DLG2: variants seen among roughly 807,000 people sequenced by gnomAD.
The protein encoded by DLG2 is discs large MAGUK scaffold protein 2.
In DLG2, 45 loss-of-function variants were observed where a neutral mutation model predicts 132.5. The observed-to-expected ratio is 0.34, with a 90% CI of 0.27 to 0.44. The LOEUF (loss-of-function observed/expected upper bound fraction) is 0.44, where lower values mean the gene tolerates loss of function less well. DLG2 is among the 20% of genes least tolerant of loss of function. DLG2 has a pLI of 1.00. For synonymous variants in DLG2, 424 were observed against 419.6 expected, an observed-to-expected ratio of 1.01 and a Z score of -0.13; for missense variants, 1,045 against 1,196.9, an observed-to-expected ratio of 0.87 and a Z score of 1.87.
At chr11:85,439,038 T>C (rs535235793) in intron 3 of DLG2, among the ~76,000 whole-genome samples, 1 of 152,348 alleles carries the variant, frequency 6.6e-6, no homozygotes, top group East Asian at 1.9e-4. Flanking sequence ...TTTTTGTTGC[T>C]GAGTAGTATT....
chr11:85,148,363 C>T lies in DLG2; in HGVS notation c.282+6193G>A, dbSNP rs569776623. Among the ~76,000 whole-genome samples the T allele has an allele frequency of 2.6e-5, 4 of 152,280 alleles. No homozygotes were observed. In the East Asian group the frequency reaches 7.7e-4, roughly 29 times the overall value. ...CACAACAGTTGAACTAATTTACATT[C>T]CCACCAAGAGTGTGAAAGCATTCCT... On this transcript the variant is annotated intron_variant, in intron 5 of 27. Transcript: ENST00000376104.
At chr11:83,506,463 ACCTCCCTC>A (rs2094705770) in intron 21 of DLG2, among the ~76,000 whole-genome samples, 1 of 151,224 alleles carries the variant, frequency 6.6e-6, no homozygotes, top group Non-Finnish European at 1.5e-5. Flanking sequence ...CACACTCTCA[ACCTCCCTC>A]TAGGCACCAG....
At chr11:84,409,903 A>T (rs2098889799) in intron 7 of DLG2, among the ~76,000 whole-genome samples, 1 of 152,238 alleles carries the variant, frequency 6.6e-6, no homozygotes, top group Admixed American at 6.5e-5. Flanking sequence ...CCATACAAGC[A>T]GCTTCTAATC....
At chr11:83,797,208 G>A (rs2043039701) in intron 17 of DLG2, among the ~76,000 whole-genome samples, 1 of 150,300 alleles carries the variant, frequency 6.7e-6, no homozygotes, top group African/African-American at 2.5e-5. Context: ...TGAGAAAGAA[G>A]TGATGAAGGA....
intron 6 of DLG2, among the ~76,000 whole-genome samples, chr11:84,616,974 C>T (rs973264300): frequency 6.7e-6 from 1 of 149,830 alleles, no homozygotes; most frequent in African/African-American, 2.5e-5. Context: ...TTCCTCCTCT[C>T]TTCCCTTTCT....
At chr11:85,410,687 G>A (rs1233609226) in intron 3 of DLG2, among the ~76,000 whole-genome samples, 1 of 151,754 alleles carries the variant, frequency 6.6e-6, no homozygotes, top group African/African-American at 2.4e-5. Context: ...CTGAAAATGT[G>A]CATATTTAAG....
intron 6 of DLG2, among the ~76,000 whole-genome samples, chr11:84,934,545 T>G (rs2048508573): frequency 7.6e-6 from 1 of 131,010 alleles, no homozygotes; most frequent in Non-Finnish European, 1.6e-5. Flanking sequence ...TTTTTTTTTT[T>G]TGGTGGGTAG....
At chr11:84,944,510 G>A (rs1372827756) in intron 6 of DLG2, among the ~76,000 whole-genome samples, 1 of 151,122 alleles carries the variant, frequency 6.6e-6, no homozygotes, top group Non-Finnish European at 1.5e-5. Context: ...CAGTTCCGCT[G>A]TTGAGAGACT....
intron 3 of DLG2, among the ~76,000 whole-genome samples, chr11:85,589,346 G>A (rs2079166123): frequency 6.6e-6 from 1 of 152,160 alleles, no homozygotes; most frequent in Non-Finnish European, 1.5e-5. Flanking sequence ...AGCTGTGATA[G>A]AAGAGGGGGG....
intron 18 of DLG2, among the ~76,000 whole-genome samples, chr11:83,743,901 A>G (rs919589688): frequency 4.6e-5 from 7 of 152,208 alleles, no homozygotes; most frequent in Non-Finnish European, 8.8e-5. Context: ...CGTACTGGGT[A>G]TGTCAATGGG....
chr11:85,397,244 C>CTT, intron 3 of DLG2, among the ~76,000 whole-genome samples: 1 of 152,206 alleles, frequency 6.6e-6, no homozygotes, highest in South Asian at 2.1e-4. Context: ...ATTTTGTCAC[C>CTT]ACCAGGCATG....
chr11:84,552,449 C>A (rs1471516555), intron 6 of DLG2, among the ~76,000 whole-genome samples: 1 of 152,144 alleles, frequency 6.6e-6, no homozygotes, highest in African/African-American at 2.4e-5. Context: ...ATGCCTTTTG[C>A]CATGTCTTTA....
intron 3 of DLG2, among the ~76,000 whole-genome samples, chr11:85,311,635 T>C (rs2080320291): frequency 6.6e-6 from 1 of 152,130 alleles, no homozygotes; most frequent in African/African-American, 2.4e-5. Flanking sequence ...AGAAGTTGTC[T>C]ACAGTTTGAA....
In DLG2 at chr11:84,163,317, C is replaced by T. The variant is rs1278893452; in HGVS notation, c.624+144G>A. 11 of 644,420 alleles carry T rather than the reference C, an allele frequency of 1.7e-5. No homozygotes were observed. The East Asian group carries it at 3.1e-4, about 18-fold the overall frequency. 39.9% of individuals were successfully genotyped at this position (644,420 alleles called of 1,614,324 possible). On this transcript the variant is annotated intron_variant, in intron 9 of 27. Transcript: ENST00000376104. Reference sequence around the variant, plus strand: ...TCAATGCTTTCTACTGTGAGCATTTCATTAATATTCTCATTGTGAGTCCTG... The same window carrying T: ...TCAATGCTTTCTACTGTGAGCATTTTATTAATATTCTCATTGTGAGTCCTG...
chr11:84,298,747 T>C (rs1206915889), intron 7 of DLG2, among the ~76,000 whole-genome samples: 1 of 152,144 alleles, frequency 6.6e-6, no homozygotes, highest in Non-Finnish European at 1.5e-5. Flanking sequence ...AAAGATTTTA[T>C]CCAACACAGA....
chr11:83,504,604 A>T (rs1324620837), intron 21 of DLG2, among the ~76,000 whole-genome samples: 1 of 152,152 alleles, frequency 6.6e-6, no homozygotes, highest in African/African-American at 2.4e-5. Flanking sequence ...TCCTGGTGGC[A>T]GCATTCCTCC....
At position 85,587,861 on chromosome 11, in the gene DLG2, G is replaced by A. The variant is rs542492171; in HGVS notation, c.40+10796C>T. Among the ~76,000 whole-genome samples the A allele has an allele frequency of 5.3e-5, 8 of 152,196 alleles. No individual in the cohort carries two copies. In the East Asian group the frequency reaches 1.5e-3, roughly 29 times the overall value. On this transcript the variant is annotated intron_variant, in intron 3 of 27. Transcript: ENST00000376104. ...GGTTTTGTTTCAGGATTTAGATCTC[G>A]TTTTAGCATTTCTTGTGGTGCTGAC...
chr11:84,569,283 G>A (rs1237051695), intron 6 of DLG2, among the ~76,000 whole-genome samples: 1 of 152,200 alleles, frequency 6.6e-6, no homozygotes, highest in Non-Finnish European at 1.5e-5. Context: ...GGCCATAGCA[G>A]GGGCTGTATC....
intron 6 of DLG2, among the ~76,000 whole-genome samples, chr11:84,705,088 A>C (rs1565714784): frequency 6.6e-6 from 1 of 151,616 alleles, no homozygotes; most frequent in Non-Finnish European, 1.5e-5. Flanking sequence ...AGTTCTGCCT[A>C]GTTGGCCAGA....
Sources: gnomAD v4.1 joint callset for allele counts (sites outside exome capture counted in the v4.1 genomes callset) on GRCh38, gnomAD v4.1.1 for gene constraint, MANE v1.5 for transcripts, NCBI Gene and HGNC (gene_info 2026-07-23, HGNC 2026-07-21) for gene names.